TGM6: variants seen among roughly 807,000 people sequenced by gnomAD.
TGM6 encodes the protein protein-glutamine gamma-glutamyltransferase 6.
A neutral mutation model predicts 77.5 loss-of-function variants in TGM6; 74 were observed. The ratio of observed to expected loss-of-function variants is 0.96; its 90% CI spans 0.79 to 1.16. The LOEUF (loss-of-function observed/expected upper bound fraction) is 1.16. Ranked by LOEUF, TGM6 falls within the 50% of genes most tolerant of loss-of-function variation. The pLI is 0.00. For missense variants in TGM6, 968 were observed against 940.2 expected, an observed-to-expected ratio of 1.03 and a Z score of -0.39; for synonymous variants, 383 against 378.9, an observed-to-expected ratio of 1.01 and a Z score of -0.12.
At chr20:2,424,490 T>C (rs11696423) in intron 10 of TGM6, among the ~76,000 whole-genome samples, 11,545 of 152,252 alleles carry the variant, frequency 0.076, 564 homozygotes, top group East Asian at 0.21. Flanking sequence ...TCAATCCTTA[T>C]AGAATTGAAG....
intron 10 of TGM6, among the ~76,000 whole-genome samples, chr20:2,423,814 G>C (rs997015120): frequency 2.6e-5 from 4 of 152,168 alleles, no homozygotes; most frequent in African/African-American, 9.6e-5. Flanking sequence ...TAAATAAAAA[G>C]ACTTGAAAGT....
Position 2,397,992 on chromosome 20 carries a change from C to T in TGM6, c.618C>T (p.Thr206=), listed in dbSNP as rs111415879. 3.6e-5 allele frequency: 58 copies of T among 1,614,074 alleles called. No individual in the cohort carries two copies. The East Asian group carries it at 5.1e-4, about 14-fold the overall frequency. The change falls in exon 5 of 13, where the codon ACC becomes ACT. Residue 206 remains threonine, a synonymous_variant. Coordinates refer to ENST00000202625, the MANE Select transcript of TGM6 (RefSeq NM_198994.3). ...CCGGTCACCAAAACAACCCAGCCAC[C>T]GACGTGTCCTGCCGCCACAACCCCA... is the stretch of plus-strand genomic sequence containing the variant. The part of the protein sequence containing the change: ...RSPGHQNNPA[T]DVSCRHNPIY...
At chr20:2,426,727 G>A (rs1181365898) in intron 10 of TGM6, among the ~76,000 whole-genome samples, 1 of 152,032 alleles carries the variant, frequency 6.6e-6, no homozygotes, top group Non-Finnish European at 1.5e-5. Flanking sequence ...ATCAGGAATG[G>A]GTGTTGGATT....
In TGM6 at chr20:2,403,470, C is replaced by A. The variant is rs1361249593; in HGVS notation, c.1063C>A (p.Leu355Met). 9 of 1,614,172 alleles carry A rather than the reference C, an allele frequency of 5.6e-6. No individual in the cohort carries two copies. Among genetic ancestry groups the A allele is most frequent in the Non-Finnish European group, 7.6e-6 (9 of 1,180,032 alleles). ...CCCCTCTTACAATGGCTGGCAGGTT[C>A]TGGATGCCACCCCCCAGGAGGAGAG... ...LGPSYNGWQV[L>M]DATPQEESEG... The change falls in exon 8 of 13, where the codon CTG (leucine) becomes ATG (methionine). Residue 355 changes from leucine (L) to methionine (M), a missense_variant. By Grantham distance (15) the Leu-to-Met change is conservative (BLOSUM62 2). Coordinates refer to ENST00000202625, the MANE Select transcript of TGM6 (RefSeq NM_198994.3).
chr20:2,388,629 A>AAG (rs2084611695), intron 1 of TGM6, among the ~76,000 whole-genome samples: 1 of 140,698 alleles, frequency 7.1e-6, no homozygotes, highest in Admixed American at 7.0e-5. Context: ...ACAAACAAAC[A>AAG]AAAAAAAACA....
intron 9 of TGM6, among the ~76,000 whole-genome samples, chr20:2,408,315 T>A (rs534909194): frequency 1.6e-4 from 24 of 152,298 alleles, no homozygotes; most frequent in African/African-American, 5.3e-4. Flanking sequence ...CTTTTATACC[T>A]AAAGGACTTG....
intron 10 of TGM6, among the ~76,000 whole-genome samples, chr20:2,428,159 C>T (rs1011603130): frequency 2.1e-4 from 32 of 152,044 alleles, no homozygotes; most frequent in African/African-American, 7.7e-4. Flanking sequence ...GAATGTGATC[C>T]TTTTTGGTGA....
At chr20:2,401,069 G>A (rs1002844911) in intron 7 of TGM6, among the ~76,000 whole-genome samples, 5 of 151,954 alleles carry the variant, frequency 3.3e-5, no homozygotes, top group Admixed American at 1.3e-4. Context: ...GCCAAGCATC[G>A]TGGCAGGCGC....
Position 2,430,605 on chromosome 20 carries a change from C to A in TGM6, c.1833+5C>A. 1 of 1,614,000 alleles carries A rather than the reference C, an allele frequency of 6.2e-7. No homozygotes were observed. Among genetic ancestry groups the A allele is most frequent in the South Asian group, 1.1e-5 (1 of 91,074 alleles). On this transcript the variant is annotated splice_donor_5th_base_variant and intron_variant, in intron 11 of 12. Coordinates refer to ENST00000202625, the MANE Select transcript of TGM6 (RefSeq NM_198994.3). ...GAGGACTTCATCACCATCAAGGTGA[C>A]CTCAGCCTGCATCTACCATGCTGTT...
At chr20:2,399,380 A>G (rs979464831) in intron 5 of TGM6, among the ~76,000 whole-genome samples, 181 bp from the exon 6 acceptor site, 2 of 152,254 alleles carry the variant, frequency 1.3e-5, no homozygotes, top group Non-Finnish European at 1.5e-5. Context: ...ATTGAAAATG[A>G]CAAGTGCTAC....
intron 4 of TGM6, 54 bp from the exon 5 acceptor site, chr20:2,397,864 C>T (rs1444283724): frequency 6.2e-7 from 1 of 1,613,726 alleles, no homozygotes; most frequent in Admixed American, 1.7e-5. Context: ...GTGGGAGGGC[C>T]TGGAATATGG....
intron 7 of TGM6, among the ~76,000 whole-genome samples, chr20:2,400,733 G>C (rs1375869510): frequency 6.6e-6 from 1 of 151,976 alleles, no homozygotes; most frequent in Non-Finnish European, 1.5e-5. Context: ...TTCCTGGGGT[G>C]GGGTGGGGTG....
At chr20:2,410,683 A>G (rs568194510) in intron 9 of TGM6, among the ~76,000 whole-genome samples, 1 of 152,220 alleles carries the variant, frequency 6.6e-6, no homozygotes, top group South Asian at 2.1e-4. Context: ...AGCTACTGTT[A>G]GAATTGAATT....
At chr20:2,426,020 A>T (rs2084885572) in intron 10 of TGM6, among the ~76,000 whole-genome samples, 1 of 152,200 alleles carries the variant, frequency 6.6e-6, no homozygotes, top group African/African-American at 2.4e-5. Context: ...CCACACATAA[A>T]GTTTGGAATC....
intron 1 of TGM6, among the ~76,000 whole-genome samples, chr20:2,383,836 G>A (rs186344806): frequency 5.2e-4 from 79 of 152,200 alleles, no homozygotes; most frequent in African/African-American, 1.8e-3. Flanking sequence ...GGCCGGGCGC[G>A]GTGGCTCACT....
chr20:2,427,955 C>G (rs775942064), intron 10 of TGM6, among the ~76,000 whole-genome samples: 1 of 152,136 alleles, frequency 6.6e-6, no homozygotes, highest in Non-Finnish European at 1.5e-5. Context: ...CTTCGAAATA[C>G]TTTTAAATTT....
chr20:2,396,673 G>A (rs967319494), intron 4 of TGM6, 49 bp downstream of exon 4: 1 of 1,575,302 alleles, frequency 6.3e-7, no homozygotes, highest in African/African-American at 1.3e-5. Flanking sequence ...GGCATGGGGA[G>A]GTCGGTGGGA....
At chr20:2,395,531 A>C in intron 3 of TGM6, 95 bp downstream of exon 3, 1 of 1,605,352 alleles carries the variant, frequency 6.2e-7, no homozygotes, top group Non-Finnish European at 8.5e-7. Flanking sequence ...GGGTTAAAGG[A>C]CAAGAAGCTG....
chr20:2,398,737 T>C (rs1331401823), intron 5 of TGM6, among the ~76,000 whole-genome samples: 1 of 152,050 alleles, frequency 6.6e-6, no homozygotes, highest in African/African-American at 2.4e-5. Context: ...GAGTGGGACA[T>C]AGACCCACCT....
Sources: allele counts gnomAD v4.1 joint callset (sites outside exome capture counted in the v4.1 genomes callset), GRCh38; gene constraint gnomAD v4.1.1; transcripts MANE v1.5; gene names NCBI Gene and HGNC (gene_info 2026-07-23, HGNC 2026-07-21).